Variants in ADAM32 observed in about 807,000 individuals in gnomAD.
The protein encoded by ADAM32 is disintegrin and metalloproteinase domain-containing protein 32.
A neutral mutation model predicts 114.9 loss-of-function variants in ADAM32; 89 were observed. The ratio of observed to expected loss-of-function variants is 0.77; its 90% CI spans 0.65 to 0.92. The LOEUF (loss-of-function observed/expected upper bound fraction) is 0.92, where lower values mean the gene tolerates loss of function less well. ADAM32 is among the 40% of genes least tolerant of loss of function. The pLI is 0.00. For synonymous variants in ADAM32, 285 were observed against 307.5 expected (o/e 0.93, Z 0.77); for missense variants, 870 against 932.8 (o/e 0.93, Z 0.88).
chr8:39,158,636 GC>G (rs1389340888), intron 6 of ADAM32: 1 of 203,912 alleles, frequency 4.9e-6, no homozygotes, highest in Admixed American at 6.3e-5. Flanking sequence ...GATGCCTACT[GC>G]TGTGTTTCCA....
At chr8:39,229,731 G>C (rs1478710798) in intron 14 of ADAM32, among the ~76,000 whole-genome samples, 1 of 152,082 alleles carries the variant, frequency 6.6e-6, no homozygotes. Flanking sequence ...AAATGAGATA[G>C]ACAACAACAT....
chr8:39,230,435 C>T (rs1809664701), intron 14 of ADAM32, among the ~76,000 whole-genome samples: 1 of 152,180 alleles, frequency 6.6e-6, no homozygotes, highest in South Asian at 2.1e-4. Context: ...TGGTTGGCGA[C>T]TATACTTTCA....
rs1307618365 is a variant in ADAM32, at chr8:39,223,108, T to C, written c.1395T>C (p.Asn465=). 4 of 1,594,962 alleles carry C rather than the reference T, an allele frequency of 2.5e-6. No homozygotes were observed. The highest frequency in any genetic ancestry group is 1.3e-5 in the African/African-American group (1 of 74,196). ...HPECDIAENC[N]GTSPECGPDI... is the part of the protein sequence containing the mutation. Reference sequence around the variant, plus strand: ...AATGTGACATCGCTGAAAATTGTAATGGAACCTCACCAGAATGTGGTCCTG... The same window carrying C: ...AATGTGACATCGCTGAAAATTGTAACGGAACCTCACCAGAATGTGGTCCTG... The change falls in exon 14 of 25, where the codon AAT becomes AAC. Residue 465 remains asparagine (N), a synonymous_variant. Coordinates refer to ENST00000379907, the MANE Select transcript of ADAM32 (RefSeq NM_145004.7).
At chr8:39,144,807 CA>C (rs1308736073) in intron 3 of ADAM32, among the ~76,000 whole-genome samples, 1 of 152,132 alleles carries the variant, frequency 6.6e-6, no homozygotes, top group African/African-American at 2.4e-5. Context: ...AAGTCCTAGC[CA>C]CAGCAATTAG....
chr8:39,283,552 TC>T, intron 23 of ADAM32, 33 bp from the exon 24 acceptor site: 1 of 1,535,350 alleles, frequency 6.5e-7, no homozygotes, highest in South Asian at 1.2e-5. Flanking sequence ...TTGTATTATA[TC>T]AGCCTAAAAA....
At chr8:39,238,358 C>G (rs1810332396) in intron 16 of ADAM32, among the ~76,000 whole-genome samples, 2 of 152,192 alleles carry the variant, frequency 1.3e-5, no homozygotes, top group African/African-American at 4.8e-5. Flanking sequence ...TCTCAGGAAG[C>G]CCTATCCCTA....
At chr8:39,198,739 A>T (rs1564581568) in intron 11 of ADAM32, among the ~76,000 whole-genome samples, 1 of 151,002 alleles carries the variant, frequency 6.6e-6, no homozygotes, top group African/African-American at 2.4e-5. Flanking sequence ...AGCGTTTAAC[A>T]TTTTTTTTTT....
intron 2 of ADAM32, among the ~76,000 whole-genome samples, chr8:39,130,342 A>G (rs1802368292): frequency 6.6e-6 from 1 of 152,070 alleles, no homozygotes. Context: ...TCAAAGAATA[A>G]TCTTGTTTCA....
In ADAM32 at chr8:39,114,099, T is replaced by C. The variant is rs553669812; in HGVS notation, c.59-3987T>C. On this transcript the variant is annotated intron_variant, in intron 1 of 24. Coordinates refer to ENST00000379907, the MANE Select transcript of ADAM32 (RefSeq NM_145004.7). Reference sequence around the variant, plus strand: ...ACAAAATCTATAACTTCGTTCACCATTGATGGATCCAGGTCACAATTTATC... The same window carrying C: ...ACAAAATCTATAACTTCGTTCACCACTGATGGATCCAGGTCACAATTTATC... 5.9e-5 allele frequency among the ~76,000 whole-genome samples: 9 copies of C among 152,316 alleles called. 1 individual carries two copies. The highest frequency in any genetic ancestry group is 2.2e-4 in the African/African-American group (9 of 41,566).
At chr8:39,163,706 C>CA (rs1218964802) in intron 7 of ADAM32, among the ~76,000 whole-genome samples, 1 of 152,182 alleles carries the variant, frequency 6.6e-6, no homozygotes, top group Non-Finnish European at 1.5e-5. Context: ...TTTCCGCTCT[C>CA]ATGGAGCATG....
rs547292891 is a variant in ADAM32 at position 39,202,068 on chromosome 8, G to A, written c.1053-9076G>A. 4.9e-4 allele frequency among the ~76,000 whole-genome samples: 75 copies of A among 152,290 alleles called. No individual in the cohort carries two copies. The South Asian group carries it at 0.015, about 31-fold the overall frequency. ...GGATTTTTGCATTGATGTTCATCAG[G>A]GATATTGGTTTAAAATTCTCTTTTT... On this transcript the variant is annotated intron_variant, in intron 11 of 24. Coordinates refer to ENST00000379907, the MANE Select transcript of ADAM32 (RefSeq NM_145004.7).
intron 14 of ADAM32, among the ~76,000 whole-genome samples, chr8:39,228,849 A>T (rs1809557316): frequency 1.3e-5 from 2 of 152,244 alleles, no homozygotes; most frequent in Non-Finnish European, 2.9e-5. Context: ...GAAATTCATT[A>T]CAAAAAGATC....
chr8:39,241,121 A>G (rs1402568024), intron 16 of ADAM32, among the ~76,000 whole-genome samples: 1 of 152,248 alleles, frequency 6.6e-6, no homozygotes, highest in African/African-American at 2.4e-5. Flanking sequence ...CAGGGCAGTG[A>G]AATCTTAAAG....
At chr8:39,268,014 A>C (rs1411032078) in intron 19 of ADAM32, among the ~76,000 whole-genome samples, 3 of 152,234 alleles carry the variant, frequency 2.0e-5, no homozygotes, top group Non-Finnish European at 4.4e-5. Context: ...AAACTTAAGC[A>C]AACTAAATCT....
intron 8 of ADAM32, 89 bp from the exon 9 acceptor site, chr8:39,164,941 G>C: frequency 6.7e-7 from 1 of 1,490,154 alleles, no homozygotes; most frequent in Non-Finnish European, 9.1e-7. Context: ...TATAAACTGA[G>C]TGTGGGATTG....
At chr8:39,138,780 A>G (rs1039225568) in intron 3 of ADAM32, among the ~76,000 whole-genome samples, 2 of 152,214 alleles carry the variant, frequency 1.3e-5, no homozygotes, top group African/African-American at 4.8e-5. Flanking sequence ...ACTAATTTAC[A>G]CACCCACCAA....
intron 11 of ADAM32, among the ~76,000 whole-genome samples, chr8:39,200,228 A>G (rs1274013400): frequency 6.6e-6 from 1 of 152,230 alleles, no homozygotes; most frequent in Non-Finnish European, 1.5e-5. Context: ...ACTAGTTTAC[A>G]GTCCCACCAA....
chr8:39,243,191 A>T (rs1230797379), intron 16 of ADAM32, among the ~76,000 whole-genome samples: 1 of 152,206 alleles, frequency 6.6e-6, no homozygotes, highest in Non-Finnish European at 1.5e-5. Flanking sequence ...TCATACCTGA[A>T]TTCTGTCAGA....
chr8:39,240,718 G>A (rs1388329973), intron 16 of ADAM32, among the ~76,000 whole-genome samples: 1 of 152,140 alleles, frequency 6.6e-6, no homozygotes, highest in East Asian at 1.9e-4. Flanking sequence ...CAGATCTTGT[G>A]AGACTTATTC....
Sources: gnomAD v4.1 joint callset for allele counts (sites outside exome capture counted in the v4.1 genomes callset) on GRCh38, gnomAD v4.1.1 for gene constraint, MANE v1.5 for transcripts, NCBI Gene and HGNC (gene_info 2026-07-23, HGNC 2026-07-21) for gene names.